Variants in PTPN4 observed in about 807,000 individuals in gnomAD.
The protein encoded by PTPN4 is protein tyrosine phosphatase non-receptor type 4.
PTPN4 carries 49 observed loss-of-function variants against 135.5 expected under a neutral mutation model. The ratio of observed to expected loss-of-function variants is 0.36; its 90% CI spans 0.29 to 0.46. The LOEUF (loss-of-function observed/expected upper bound fraction) is 0.46. Among genes scored for constraint, PTPN4 ranks in the 20% least tolerant of loss-of-function variants. The probability of loss-of-function intolerance (pLI) is 1.00; values close to 1 mark genes in which losing one functional copy is unlikely to be tolerated. For synonymous variants in PTPN4, 333 were observed against 369.9 expected, an observed-to-expected ratio of 0.90 and a Z score of 1.14; for missense variants, 860 against 1,101.0, an observed-to-expected ratio of 0.78 and a Z score of 3.10.
At chr2:119,951,088 C>G (rs1033257278) in intron 18 of PTPN4, among the ~76,000 whole-genome samples, 5 of 152,182 alleles carry the variant, frequency 3.3e-5, no homozygotes, top group Non-Finnish European at 7.3e-5. Context: ...TTAAACGGTG[C>G]TTGCCTCCTC....
At chr2:119,776,830 T>G (rs1367560646) in intron 1 of PTPN4, among the ~76,000 whole-genome samples, 1 of 152,246 alleles carries the variant, frequency 6.6e-6, no homozygotes, top group African/African-American at 2.4e-5. Flanking sequence ...ACTTTGTTAT[T>G]GGTAAGATTT....
intron 1 of PTPN4, among the ~76,000 whole-genome samples, chr2:119,778,862 A>AGT (rs1223797062): frequency 6.6e-6 from 1 of 151,302 alleles, no homozygotes; most frequent in East Asian, 1.9e-4. Flanking sequence ...GTGTAGGTCC[A>AGT]GTGTTACGCA....
At chr2:119,921,070 CAGG>C (rs1477095396) in intron 12 of PTPN4, among the ~76,000 whole-genome samples, 1 of 152,108 alleles carries the variant, frequency 6.6e-6, no homozygotes, top group Non-Finnish European at 1.5e-5. Flanking sequence ...CACCAGAGGT[CAGG>C]AGTTCAAGAC....
intron 1 of PTPN4, among the ~76,000 whole-genome samples, chr2:119,789,753 A>C (rs2104934414): frequency 6.6e-6 from 1 of 152,186 alleles, no homozygotes; most frequent in East Asian, 1.9e-4. Flanking sequence ...TTGAGACAGA[A>C]TCTCACTCAC....
At chr2:119,769,119 A>G (rs1344606920) in intron 1 of PTPN4, among the ~76,000 whole-genome samples, 2 of 152,220 alleles carry the variant, frequency 1.3e-5, no homozygotes, top group African/African-American at 2.4e-5. Flanking sequence ...CAGAGCTCCT[A>G]ACTACCATCA....
intron 2 of PTPN4, among the ~76,000 whole-genome samples, chr2:119,838,077 A>G (rs1416615532): frequency 1.3e-5 from 2 of 152,266 alleles, no homozygotes; most frequent in Non-Finnish European, 2.9e-5. Flanking sequence ...AATTCAGATT[A>G]ATAGAAGAAG....
chr2:119,921,845 C>G (rs890897302), intron 12 of PTPN4, among the ~76,000 whole-genome samples: 1 of 152,096 alleles, frequency 6.6e-6, no homozygotes, highest in Non-Finnish European at 1.5e-5. Context: ...GATATTCTTT[C>G]AATGAATTTA....
chr2:119,871,134 A>G (rs1266202017), intron 3 of PTPN4, among the ~76,000 whole-genome samples: 1 of 149,652 alleles, frequency 6.7e-6, no homozygotes, highest in Non-Finnish European at 1.5e-5. Flanking sequence ...CTGGTTAATC[A>G]GAGAGATGCC....
At chr2:119,930,216 G>A (rs938520436) in intron 13 of PTPN4, among the ~76,000 whole-genome samples, 2 of 151,954 alleles carry the variant, frequency 1.3e-5, no homozygotes, top group Non-Finnish European at 2.9e-5. Flanking sequence ...ATTCACTTAC[G>A]GAAAATGAAA....
chr2:119,948,771 G>A (rs372770978), intron 18 of PTPN4, among the ~76,000 whole-genome samples: 6 of 152,048 alleles, frequency 3.9e-5, no homozygotes, highest in Non-Finnish European at 8.8e-5. Context: ...ATATCCATAC[G>A]ATGGCATTAT....
At chr2:119,828,901 A>G (rs2104961523) in intron 2 of PTPN4, among the ~76,000 whole-genome samples, 1 of 152,270 alleles carries the variant, frequency 6.6e-6, no homozygotes, top group African/African-American at 2.4e-5. Context: ...CTCCATTATA[A>G]TCTTTTGGGA....
intron 15 of PTPN4, among the ~76,000 whole-genome samples, chr2:119,941,745 T>C (rs566130608): frequency 2.0e-5 from 3 of 152,194 alleles, no homozygotes; most frequent in Non-Finnish European, 4.4e-5. Context: ...TCCTTATAAT[T>C]TGGCTTAAAT....
rs199859537 is a variant in PTPN4 at position 119,976,549 on chromosome 2, CT to C, written c.2695-434del. ...AGAATGTACAGTAGTCACCTGGTCC[CT>C]GTTGATGGCAATTAAATTGTTTCCA... On this transcript the variant is annotated intron_variant, in intron 26 of 26. Coordinates refer to ENST00000263708, the MANE Select transcript of PTPN4 (RefSeq NM_002830.4). 4.3e-3 allele frequency among the ~76,000 whole-genome samples: 651 copies of C among 152,244 alleles called. 1 individual carries two copies. The highest frequency in any genetic ancestry group is 0.014 in the Middle Eastern group (4 of 294).
In PTPN4 at chr2:119,884,632, T is replaced by A. The variant is rs560973396; in HGVS notation, c.588-1163T>A. Reference sequence around the variant, plus strand: ...GAGTTTGAAGATAAGCCAGATTTTTTTAAATTTACCGATAATGAAAAGACT... The same window carrying A: ...GAGTTTGAAGATAAGCCAGATTTTTATAAATTTACCGATAATGAAAAGACT... On this transcript the variant is annotated intron_variant, in intron 8 of 26. Transcript: ENST00000263708. Among the ~76,000 whole-genome samples, 465 of 152,372 alleles carry A rather than the reference T, an allele frequency of 3.1e-3. 1 individual carries two copies. Among genetic ancestry groups the A allele is most frequent in the Non-Finnish European group, 4.6e-3 (314 of 68,024 alleles).
intron 1 of PTPN4, among the ~76,000 whole-genome samples, chr2:119,796,049 C>T (rs766751772): frequency 9.2e-5 from 14 of 152,266 alleles, no homozygotes; most frequent in Non-Finnish European, 1.6e-4. Flanking sequence ...GCATGATTGC[C>T]GAGGCTTCGG....
chr2:119,919,412 T>G (rs1261319219), intron 11 of PTPN4, among the ~76,000 whole-genome samples: 1 of 152,238 alleles, frequency 6.6e-6, no homozygotes, highest in Non-Finnish European at 1.5e-5. Context: ...ACATTTAATT[T>G]ATGGCCTAGA....
intron 1 of PTPN4, among the ~76,000 whole-genome samples, chr2:119,761,862 TTAAG>T (rs1417589692): frequency 3.3e-5 from 5 of 152,336 alleles, no homozygotes; most frequent in Admixed American, 6.5e-5. Flanking sequence ...TCCATGTTTA[TTAAG>T]TTAGAAAATC....
At position 119,980,330 on chromosome 2, in the gene PTPN4, TATC is replaced by T; in HGVS notation, c.*3264_*3266del. 1 of 152,242 alleles carries T rather than the reference TATC, an allele frequency of 6.6e-6. No individual in the cohort carries two copies. The highest frequency in any genetic ancestry group is 2.4e-5 in the African/African-American group (1 of 41,582). The allele number at this position is 152,242 out of a possible 1,614,324, so 9.4% of individuals were successfully genotyped here. On this transcript the variant is annotated 3_prime_UTR_variant, in exon 27 of 27. Coordinates refer to ENST00000263708, the MANE Select transcript of PTPN4 (RefSeq NM_002830.4). ...AAAATGATTATTTTAACTTCTGGGT[TATC>T]ATCTGCTGGCAGGGTCTGATCAGGT... is the stretch of plus-strand genomic sequence containing the variant.
At chr2:119,856,053 C>G (rs1003618790) in intron 2 of PTPN4, among the ~76,000 whole-genome samples, 1 of 152,134 alleles carries the variant, frequency 6.6e-6, no homozygotes, top group African/African-American at 2.4e-5. Flanking sequence ...ATCTGCCCAC[C>G]TCAGCCTCCC....
Sources: allele counts gnomAD v4.1 joint callset (sites outside exome capture counted in the v4.1 genomes callset), GRCh38; gene constraint gnomAD v4.1.1; transcripts MANE v1.5; gene names NCBI Gene and HGNC (gene_info 2026-07-23, HGNC 2026-07-21).